ENTREP2: variants seen among roughly 807,000 people sequenced by gnomAD.
ENTREP2 encodes the protein endosomal transmembrane epsin interactor 2.
the ENTREP2 span, among the ~76,000 whole-genome samples, chr15:29,276,103 G>T: frequency 6.6e-6 from 1 of 152,184 alleles, no homozygotes; most frequent in African/African-American, 2.4e-5. Flanking sequence ...ATAACACTTT[G>T]TCCCTCATAA....
chr15:29,600,610 C>T, the ENTREP2 span, among the ~76,000 whole-genome samples: 2 of 152,100 alleles, frequency 1.3e-5, no homozygotes, highest in Admixed American at 6.6e-5. Context: ...TCTATCATAT[C>T]ATGATGTCTT....
the ENTREP2 span, among the ~76,000 whole-genome samples, chr15:29,377,945 T>C: frequency 6.6e-6 from 1 of 151,124 alleles, no homozygotes; most frequent in South Asian, 2.1e-4. Context: ...TCTCCCCAGT[T>C]TCTAGAATGG....
At chr15:29,214,205 T>C in the ENTREP2 span, among the ~76,000 whole-genome samples, 3 of 152,254 alleles carry the variant, frequency 2.0e-5, no homozygotes, top group African/African-American at 7.2e-5. Flanking sequence ...ACCCAAAGGA[T>C]TATAAATCAT....
the ENTREP2 span, among the ~76,000 whole-genome samples, chr15:29,603,814 T>A: frequency 3.9e-5 from 6 of 152,070 alleles, no homozygotes; most frequent in African/African-American, 1.4e-4. Context: ...AACTTTCGTA[T>A]TTTTAGGAGA....
At chr15:29,388,910 A>G in the ENTREP2 span, among the ~76,000 whole-genome samples, 3 of 145,028 alleles carry the variant, frequency 2.1e-5, no homozygotes, top group African/African-American at 7.6e-5. Context: ...TGGGAATTGA[A>G]CAATGAGAAC....
At chr15:29,499,907 G>A in the ENTREP2 span, among the ~76,000 whole-genome samples, 3 of 152,058 alleles carry the variant, frequency 2.0e-5, no homozygotes, top group Non-Finnish European at 4.4e-5. Context: ...GAAAGAAAAG[G>A]ATATTTCATG....
chr15:29,296,618 GA>G, the ENTREP2 span, among the ~76,000 whole-genome samples: 1 of 152,056 alleles, frequency 6.6e-6, no homozygotes, highest in Non-Finnish European at 1.5e-5. Context: ...TACATATATT[GA>G]ATACTATAAA....
the ENTREP2 span, chr15:29,570,731 G>A: frequency 3.0e-6 from 3 of 986,208 alleles, no homozygotes; most frequent in African/African-American, 5.3e-5. Context: ...CATCGCGCCG[G>A]GCGCCCGCAC....
the ENTREP2 span, chr15:29,233,972 C>G: frequency 2.0e-6 from 3 of 1,511,544 alleles, no homozygotes; most frequent in Non-Finnish European, 2.8e-6. Context: ...CAAATCAGGA[C>G]TTGATGGGAC....
At chr15:29,191,754 A>G in the ENTREP2 span, among the ~76,000 whole-genome samples, 8 of 152,274 alleles carry the variant, frequency 5.3e-5, no homozygotes, top group South Asian at 4.1e-4. Flanking sequence ...ATCTCTACAA[A>G]CAATAAAAAA....
the ENTREP2 span, among the ~76,000 whole-genome samples, chr15:29,400,188 T>G: frequency 6.6e-6 from 1 of 152,208 alleles, no homozygotes; most frequent in South Asian, 2.1e-4. Context: ...AACGTTACAA[T>G]GATGGGCAGG....
the ENTREP2 span, among the ~76,000 whole-genome samples, chr15:29,577,349 T>A: frequency 0.17 from 24,955 of 144,402 alleles, 3,022 homozygotes; most frequent in East Asian, 0.49. Flanking sequence ...TGTGTGTGTG[T>A]GAGAGAGAGA....
At chr15:29,533,492 A>G in the ENTREP2 span, among the ~76,000 whole-genome samples, 1 of 152,180 alleles carries the variant, frequency 6.6e-6, no homozygotes, top group Non-Finnish European at 1.5e-5. Flanking sequence ...ATTTTTCCCC[A>G]AAGTTAAATA....
At chr15:29,571,014 G>A in the ENTREP2 span, among the ~76,000 whole-genome samples, 1 of 145,488 alleles carries the variant, frequency 6.9e-6, no homozygotes, top group Non-Finnish European at 1.5e-5. Context: ...CGGCCCGAGC[G>A]CGGGCGCGAG....
At chr15:29,243,315 C>T in the ENTREP2 span, among the ~76,000 whole-genome samples, 72 of 152,218 alleles carry the variant, frequency 4.7e-4, no homozygotes, top group Middle Eastern at 3.4e-3. Flanking sequence ...TGTTCTCATG[C>T]AATGACGTTA....
chr15:29,403,304 T>A, the ENTREP2 span, among the ~76,000 whole-genome samples: 5 of 152,136 alleles, frequency 3.3e-5, no homozygotes, highest in Non-Finnish European at 7.4e-5. Context: ...CCCCCCTCCC[T>A]TTCTCAACCC....
the ENTREP2 span, among the ~76,000 whole-genome samples, chr15:29,561,807 C>T: frequency 1.3e-5 from 2 of 152,064 alleles, no homozygotes; most frequent in African/African-American, 2.4e-5. Context: ...CAATCATCAA[C>T]GGATGTGAAG....
the ENTREP2 span, among the ~76,000 whole-genome samples, chr15:29,232,486 TG>T: frequency 6.6e-6 from 1 of 150,976 alleles, no homozygotes; most frequent in African/African-American, 2.4e-5. Context: ...TTTAAAGAGA[TG>T]GGGGGTCTCA....
chr15:29,535,955 G>C, the ENTREP2 span, among the ~76,000 whole-genome samples: 1 of 152,132 alleles, frequency 6.6e-6, no homozygotes, highest in Non-Finnish European at 1.5e-5. Context: ...ATTCCCCAAA[G>C]GCAGGGAGGC....
Sources: allele counts gnomAD v4.1 joint callset (sites outside exome capture counted in the v4.1 genomes callset), GRCh38; gene constraint gnomAD v4.1.1; transcripts MANE v1.5; gene names NCBI Gene and HGNC (gene_info 2026-07-23, HGNC 2026-07-21).